Variants in PFDN1 observed in about 807,000 individuals in gnomAD.
PFDN1 encodes the protein prefoldin subunit 1.
PFDN1 carries 6 observed loss-of-function variants against 17.3 expected under a neutral mutation model. That is an observed-to-expected ratio of 0.35 (90% CI 0.19 to 0.69). The LOEUF is 0.69. Ranked by LOEUF, PFDN1 falls within the 30% of genes least tolerant of loss-of-function variation. PFDN1 has a pLI of 0.65. For synonymous variants in PFDN1, 58 were observed against 50.1 expected, an observed-to-expected ratio of 1.16 and a Z score of -0.67; for missense variants, 113 against 146.2, an observed-to-expected ratio of 0.77 and a Z score of 1.17.
Position 140,303,050 on chromosome 5 carries a change from C to G in PFDN1, c.24G>C (p.Glu8Asp). MAAPVDL[E>D]LKKAFTELQA... ...AAAGACCCTCTTTTACCTTCTTCAGCTCTAGATCCACGGGGGCGGCCATCT... is the reference window on the plus strand; with the variant it reads ...AAAGACCCTCTTTTACCTTCTTCAGGTCTAGATCCACGGGGGCGGCCATCT... The change falls in exon 1 of 4, where the codon GAG becomes GAC. Residue 8 changes from glutamate (E) to aspartate (D), a missense_variant. Transcript: ENST00000261813. 6.2e-7 allele frequency: 1 copy of G among 1,612,476 alleles called. No homozygotes were observed. The highest frequency in any genetic ancestry group is 2.2e-5 in the East Asian group (1 of 44,884).
chr5:140,290,876 A>T (rs926819418), intron 2 of PFDN1, among the ~76,000 whole-genome samples: 2 of 152,242 alleles, frequency 1.3e-5, no homozygotes, highest in Non-Finnish European at 2.9e-5. Flanking sequence ...AAGGGAAAAA[A>T]TGAAAGACAA....
chr5:140,279,252 T>C (rs1765352600), intron 3 of PFDN1, among the ~76,000 whole-genome samples: 1 of 152,226 alleles, frequency 6.6e-6, no homozygotes, highest in African/African-American at 2.4e-5. Flanking sequence ...ATTTTCATTG[T>C]TTAATCATTT....
At chr5:140,259,072 A>G (rs995361597) in intron 3 of PFDN1, among the ~76,000 whole-genome samples, 16 of 152,216 alleles carry the variant, frequency 1.1e-4, no homozygotes, top group African/African-American at 3.9e-4. Context: ...TAGAAACCAA[A>G]AGGAGAGTAG....
chr5:140,250,956 A>G lies in PFDN1; in HGVS notation c.286-4899T>C, dbSNP rs1168123744. On this transcript the variant is annotated intron_variant, in intron 3 of 3. Coordinates refer to ENST00000261813, the MANE Select transcript of PFDN1 (RefSeq NM_002622.5). ...TATATTCTTTTTATTTTTTTTTGAA[A>G]CAGGGTCTTGCTCTGTTGCCTAAGG... is the stretch of plus-strand genomic sequence containing the variant. 2.0e-5 allele frequency among the ~76,000 whole-genome samples: 3 copies of G among 152,072 alleles called. No homozygotes were observed. The South Asian group carries it at 6.2e-4, about 31-fold the overall frequency.
At chr5:140,276,101 GA>G (rs958317974) in intron 3 of PFDN1, among the ~76,000 whole-genome samples, 4 of 152,114 alleles carry the variant, frequency 2.6e-5, no homozygotes, top group Non-Finnish European at 5.9e-5. Context: ...AGACTGACAA[GA>G]AATACTAGGT....
At chr5:140,251,405 A>C (rs1161035553) in intron 3 of PFDN1, among the ~76,000 whole-genome samples, 1 of 152,184 alleles carries the variant, frequency 6.6e-6, no homozygotes, top group Non-Finnish European at 1.5e-5. Context: ...ACAGGCCTTA[A>C]TGCTTTATCA....
chr5:140,293,782 A>T (rs1765613689), intron 2 of PFDN1, among the ~76,000 whole-genome samples: 1 of 152,054 alleles, frequency 6.6e-6, no homozygotes, highest in Non-Finnish European at 1.5e-5. Context: ...AATATGACTT[A>T]AAAATCTCCT....
intron 2 of PFDN1, among the ~76,000 whole-genome samples, chr5:140,284,668 T>C (rs1289883356): frequency 2.0e-5 from 3 of 152,082 alleles, no homozygotes; most frequent in Non-Finnish European, 2.9e-5. Context: ...AATGTACCAA[T>C]AAGGAAAAAT....
intron 3 of PFDN1, among the ~76,000 whole-genome samples, chr5:140,267,070 C>G (rs550021253): frequency 6.9e-6 from 1 of 144,322 alleles, no homozygotes; most frequent in African/African-American, 2.6e-5. Flanking sequence ...TGCTGCGGTG[C>G]GGGTTACAGT....
intron 3 of PFDN1, among the ~76,000 whole-genome samples, chr5:140,268,677 T>C (rs576468524): frequency 1.1e-4 from 17 of 152,090 alleles, no homozygotes; most frequent in East Asian, 5.8e-4. Flanking sequence ...TCATAAATAC[T>C]CAAGGAATCT....
chr5:140,272,478 G>A (rs1027552458), intron 3 of PFDN1, among the ~76,000 whole-genome samples: 3 of 150,754 alleles, frequency 2.0e-5, no homozygotes, highest in African/African-American at 7.3e-5. Flanking sequence ...CTCGGCCTCA[G>A]CCTCCCAAGT....
chr5:140,276,287 C>G (rs375059898), intron 3 of PFDN1, among the ~76,000 whole-genome samples: 5 of 152,216 alleles, frequency 3.3e-5, no homozygotes, highest in South Asian at 2.1e-4. Flanking sequence ...AAGAAACTAA[C>G]AGAGTAACCA....
chr5:140,261,547 G>C (rs1765066060), intron 3 of PFDN1, among the ~76,000 whole-genome samples: 1 of 152,170 alleles, frequency 6.6e-6, no homozygotes, highest in South Asian at 2.1e-4. Flanking sequence ...AAACAAGCAA[G>C]AGCTCAAAGC....
At chr5:140,264,185 TCAC>T (rs1363533690) in intron 3 of PFDN1, among the ~76,000 whole-genome samples, 1 of 151,926 alleles carries the variant, frequency 6.6e-6, no homozygotes, top group African/African-American at 2.4e-5. Context: ...AACTCACTCA[TCAC>T]CAAGGGGATT....
intron 3 of PFDN1, among the ~76,000 whole-genome samples, chr5:140,260,535 T>A (rs1765049866): frequency 6.6e-6 from 1 of 151,246 alleles, no homozygotes; most frequent in East Asian, 1.9e-4. Context: ...TACTGATACA[T>A]GCTATAACAT....
chr5:140,264,272 G>A (rs1765107118), intron 3 of PFDN1, among the ~76,000 whole-genome samples: 1 of 151,770 alleles, frequency 6.6e-6, no homozygotes, highest in African/African-American at 2.4e-5. Flanking sequence ...CCAACACTGG[G>A]GATCACATTT....
At chr5:140,292,490 T>C (rs978039054) in intron 2 of PFDN1, among the ~76,000 whole-genome samples, 7 of 152,286 alleles carry the variant, frequency 4.6e-5, no homozygotes, top group African/African-American at 1.4e-4. Context: ...CTCTTATCTA[T>C]TTAAAGATAC....
intron 3 of PFDN1, among the ~76,000 whole-genome samples, chr5:140,278,587 A>AAAAAAAAC (rs1561508718): frequency 1.5e-5 from 2 of 131,820 alleles, no homozygotes; most frequent in Non-Finnish European, 1.6e-5. Context: ...AAAAAAAAAA[A>AAAAAAAAC]CAAAAAACAA....
At chr5:140,278,720 G>C (rs1190883146) in intron 3 of PFDN1, among the ~76,000 whole-genome samples, 1 of 152,152 alleles carries the variant, frequency 6.6e-6, no homozygotes, top group African/African-American at 2.4e-5. Flanking sequence ...CACTGTCATA[G>C]AGGAAGATTC....
Sources: allele counts gnomAD v4.1 joint callset (sites outside exome capture counted in the v4.1 genomes callset), GRCh38; gene constraint gnomAD v4.1.1; transcripts MANE v1.5; gene names NCBI Gene and HGNC (gene_info 2026-07-23, HGNC 2026-07-21).